LRRC49: variants seen among roughly 807,000 people sequenced by gnomAD.
LRRC49 encodes the protein leucine rich repeat containing 49.
A neutral mutation model predicts 83.3 loss-of-function variants in LRRC49; 50 were observed. The observed-to-expected ratio is 0.60, with a 90% CI of 0.48 to 0.76. LRRC49 has a LOEUF of 0.76. LRRC49 is among the 30% of genes least tolerant of loss of function. LRRC49 has a pLI of 0.00. For synonymous variants in LRRC49, 286 were observed against 283.3 expected (o/e 1.01, Z -0.10); for missense variants, 704 against 809.1 (o/e 0.87, Z 1.58).
intron 10 of LRRC49, among the ~76,000 whole-genome samples, chr15:70,982,873 C>T (rs2037455451): frequency 6.6e-6 from 1 of 152,154 alleles, no homozygotes; most frequent in Non-Finnish European, 1.5e-5. Context: ...TAATGCCATG[C>T]ATACATGCTA....
At chr15:71,048,724 C>T in intron 15 of LRRC49, 1 of 444,906 alleles carries the variant, frequency 2.2e-6, no homozygotes, top group South Asian at 1.6e-5. Context: ...GCACAATATT[C>T]AAATATCCTC....
At chr15:70,859,870 CA>C in intron 1 of LRRC49, 2 of 769,472 alleles carry the variant, frequency 2.6e-6, no homozygotes, top group Middle Eastern at 3.1e-4. Flanking sequence ...CCTTGGGCAT[CA>C]AAACTGCCAC....
chr15:70,947,570 C>T (rs537443570), intron 8 of LRRC49, among the ~76,000 whole-genome samples: 1 of 152,116 alleles, frequency 6.6e-6, no homozygotes, highest in African/African-American at 2.4e-5. Context: ...GTATAAAGAG[C>T]GCTTCATCTC....
In LRRC49 at chr15:70,893,139, C is replaced by G. The variant is rs144928399; in HGVS notation, c.48+197C>G. On this transcript the variant is annotated intron_variant, in intron 1 of 15. Transcript: ENST00000260382. ...GTATGATGGGTACTCAAAGTCTTGT[C>G]CAGGATCTGGGCTCCCCAGAAGGTG... The G allele has an allele frequency of 1.4e-3, 891 of 641,212 alleles. 5 individuals carry two copies. In the Middle Eastern group the frequency reaches 0.031, roughly 23 times the overall value. The allele number at this position is 641,212 out of a possible 1,614,324, so 39.7% of individuals were successfully genotyped here. A position where few individuals can be genotyped will look rare whatever the true frequency, so the allele number is the denominator to read the frequency against.
chr15:70,960,082 G>T (rs980029558), intron 8 of LRRC49, among the ~76,000 whole-genome samples: 1 of 152,188 alleles, frequency 6.6e-6, no homozygotes, highest in Admixed American at 6.5e-5. Context: ...TGCCTCTGTG[G>T]ATGTAAAGTC....
intron 7 of LRRC49, among the ~76,000 whole-genome samples, chr15:70,931,920 T>C (rs779283114): frequency 1.3e-5 from 2 of 152,198 alleles, no homozygotes; most frequent in Non-Finnish European, 2.9e-5. Flanking sequence ...GTTTGAACTG[T>C]AAATTCCAGT....
At chr15:70,908,659 G>A (rs1410159385) in intron 5 of LRRC49, 1 of 152,238 alleles carries the variant, frequency 6.6e-6, no homozygotes, top group Non-Finnish European at 1.5e-5. Flanking sequence ...TTCCTGAGCA[G>A]TAAGCAATTA....
At chr15:70,986,341 G>A (rs1343703885) in intron 11 of LRRC49, among the ~76,000 whole-genome samples, 1 of 151,502 alleles carries the variant, frequency 6.6e-6, no homozygotes, top group African/African-American at 2.4e-5. Flanking sequence ...CCTTGAAGAG[G>A]TCCTTCACAT....
intron 7 of LRRC49, among the ~76,000 whole-genome samples, chr15:70,920,627 A>G (rs939004401): frequency 6.6e-6 from 1 of 152,332 alleles, no homozygotes. Flanking sequence ...TCATTTGGAA[A>G]GTGCATAATG....
Position 70,864,548 on chromosome 15 carries a change from A to G in LRRC49, c.-298-8360A>G, listed in dbSNP as rs77916943. Among the ~76,000 whole-genome samples, 6 of 152,196 alleles carry G rather than the reference A, an allele frequency of 3.9e-5. No homozygotes were observed. The East Asian group carries it at 7.7e-4, about 20-fold the overall frequency. On this transcript the variant is annotated intron_variant, in intron 1 of 16. Transcript: ENST00000544974. ...CCCTCACTCCCTCTGCTCTGGCCATACTGAATTTCTCTTAGTTTATCTGAA... is the reference window on the plus strand; with the variant it reads ...CCCTCACTCCCTCTGCTCTGGCCATGCTGAATTTCTCTTAGTTTATCTGAA...
chr15:71,039,684 A>G (rs1412728812), intron 15 of LRRC49, among the ~76,000 whole-genome samples: 1 of 152,198 alleles, frequency 6.6e-6, no homozygotes, highest in Non-Finnish European at 1.5e-5. Context: ...AATGTTTTCA[A>G]TCTGCAGTTG....
chr15:70,945,066 A>G (rs912001945), intron 8 of LRRC49, among the ~76,000 whole-genome samples: 9 of 152,172 alleles, frequency 5.9e-5, no homozygotes, highest in African/African-American at 1.9e-4. Context: ...AGAGACCCCT[A>G]TGCAGACTTC....
chr15:70,894,745 C>A, intron 2 of LRRC49: 2 of 476,938 alleles, frequency 4.2e-6, no homozygotes, highest in Non-Finnish European at 6.5e-6. Flanking sequence ...CACATAACAG[C>A]ATGAAGAAGG....
chr15:70,994,962 G>A (rs2038026562), intron 11 of LRRC49, among the ~76,000 whole-genome samples: 1 of 152,176 alleles, frequency 6.6e-6, no homozygotes, highest in Non-Finnish European at 1.5e-5. Flanking sequence ...AAAGATTGAA[G>A]GAAAATTCTG....
At position 70,990,750 on chromosome 15, in the gene LRRC49, C is replaced by T. The variant is rs535211254; in HGVS notation, c.1169+6493C>T. 1.3e-4 allele frequency among the ~76,000 whole-genome samples: 20 copies of T among 152,320 alleles called. 1 individual carries two copies. In the Middle Eastern group the frequency reaches 0.014, roughly 104 times the overall value. ...GTCACTCACGCTGGGAGCTGTAGAC[C>T]GGAGCTGTTCCTATTCGGCCATCTT... On this transcript the variant is annotated intron_variant, in intron 11 of 15. Transcript: ENST00000260382.
upstream of LRRC49, chr15:70,891,878 C>T: frequency 6.2e-7 from 1 of 1,609,408 alleles, no homozygotes. Flanking sequence ...AGCTCGGGGG[C>T]GTGTACAGGA....
intron 15 of LRRC49, among the ~76,000 whole-genome samples, chr15:71,039,964 T>C (rs1251707691): frequency 6.6e-6 from 1 of 152,168 alleles, no homozygotes; most frequent in Non-Finnish European, 1.5e-5. Flanking sequence ...CAGTATTGCA[T>C]AGGAAAAGAA....
At chr15:70,991,084 T>C (rs963042117) in intron 11 of LRRC49, among the ~76,000 whole-genome samples, 1 of 152,216 alleles carries the variant, frequency 6.6e-6, no homozygotes, top group African/African-American at 2.4e-5. Context: ...TAGTAAGCAA[T>C]TGGGCATATA....
chr15:71,050,481 A>T lies in LRRC49; in HGVS notation c.*869A>T, dbSNP rs1010612457. Reference sequence around the variant, plus strand: ...AAAATTTCATTTGAAGATCAAATTCATGCTGGTGAGAAGGGTAGTAGGAGC... The same window carrying T: ...AAAATTTCATTTGAAGATCAAATTCTTGCTGGTGAGAAGGGTAGTAGGAGC... On this transcript the variant is annotated 3_prime_UTR_variant, in exon 16 of 16. Coordinates refer to ENST00000260382, the MANE Select transcript of LRRC49 (RefSeq NM_017691.5). The T allele has an allele frequency of 3.9e-5, 6 of 152,222 alleles. No individual in the cohort carries two copies. The highest frequency in any genetic ancestry group is 1.2e-4 in the African/African-American group (5 of 41,458). The allele number at this position is 152,222 out of a possible 1,614,324, so 9.4% of individuals were successfully genotyped here.
Sources: allele counts gnomAD v4.1 joint callset (sites outside exome capture counted in the v4.1 genomes callset), GRCh38; gene constraint gnomAD v4.1.1; transcripts MANE v1.5; gene names NCBI Gene and HGNC (gene_info 2026-07-23, HGNC 2026-07-21).